The following PIK3CA variants were observed in gnomAD, a reference collection of about 807,000 sequenced individuals.
The protein encoded by PIK3CA is phosphatidylinositol 4,5-bisphosphate 3-kinase catalytic subunit alpha isoform.
In PIK3CA, 27 loss-of-function variants were observed where a neutral mutation model predicts 138.2. The observed-to-expected ratio is 0.20, with a 90% CI of 0.14 to 0.27. PIK3CA has a LOEUF of 0.27. Ranked by LOEUF, PIK3CA falls within the 10% of genes least tolerant of loss-of-function variation. The pLI is 1.00. For synonymous variants in PIK3CA, 358 were observed against 413.2 expected (o/e 0.87, Z 1.62); for missense variants, 544 against 1,277.4 (o/e 0.43, Z 8.75).
intron 9 of PIK3CA, among the ~76,000 whole-genome samples, chr3:179,215,630 C>T (rs990924438): frequency 6.6e-6 from 1 of 152,080 alleles, no homozygotes; most frequent in Non-Finnish European, 1.5e-5. Flanking sequence ...TTTCTTATTG[C>T]ATTGCCCAGT....
intron 15 of PIK3CA, 95 bp from the exon 16 acceptor site, chr3:179,224,605 C>A: frequency 1.3e-6 from 1 of 756,928 alleles, no homozygotes; most frequent in Non-Finnish European, 2.0e-6. Context: ...TGTAACACTT[C>A]AAAAAGCTAT....
chr3:179,178,119 GT>G (rs79518577), intron 1 of PIK3CA, among the ~76,000 whole-genome samples: 23,427 of 128,642 alleles, frequency 0.18, 1,899 homozygotes, highest in Middle Eastern at 0.27. Flanking sequence ...TTTTTTTTGT[GT>G]TTTTTTTTTT....
intron 3 of PIK3CA, among the ~76,000 whole-genome samples, 170 bp downstream of exon 3, chr3:179,200,069 C>T (rs191376279): frequency 1.3e-5 from 2 of 151,286 alleles, no homozygotes; most frequent in African/African-American, 4.9e-5. Flanking sequence ...AAATTATGTA[C>T]AATCAATATT....
chr3:179,169,279 A>AT (rs1342474557), intron 1 of PIK3CA: 8 of 151,348 alleles, frequency 5.3e-5, no homozygotes, highest in East Asian at 3.9e-4. Flanking sequence ...GTCTCCTGCA[A>AT]TTTTTTTTTA....
rs1724914158 is a variant in PIK3CA, at chr3:179,219,377, C to T, written c.1746+100C>T. ...AGTCCACATAAATAAATGAAATAGACTAATAGTAATATAGTGTAGAAAAAA... is the reference window on the plus strand; with the variant it reads ...AGTCCACATAAATAAATGAAATAGATTAATAGTAATATAGTGTAGAAAAAA... On this transcript the variant is annotated intron_variant, in intron 11 of 20. Coordinates refer to ENST00000263967, the MANE Select transcript of PIK3CA (RefSeq NM_006218.4). This position sits in a 1 kb window ranked among gnomAD's most constrained non-coding sequence, Gnocchi z 4.2. The T allele has an allele frequency of 5.0e-6, 4 of 803,538 alleles. No homozygotes were observed. Among genetic ancestry groups the T allele is most frequent in the Non-Finnish European group, 8.3e-6 (4 of 484,384 alleles). The allele number at this position is 803,538 out of a possible 1,614,324, so 49.8% of individuals were successfully genotyped here.
intron 6 of PIK3CA, among the ~76,000 whole-genome samples, chr3:179,206,840 C>G (rs562991124): frequency 5.9e-5 from 9 of 151,302 alleles, no homozygotes; most frequent in Non-Finnish European, 8.8e-5. Context: ...ATCACCTGAG[C>G]CCAGGGAGGT....
At chr3:179,153,717 T>C (rs1392025005) in intron 1 of PIK3CA, among the ~76,000 whole-genome samples, 1 of 152,220 alleles carries the variant, frequency 6.6e-6, no homozygotes, top group Non-Finnish European at 1.5e-5. Context: ...CTTATTTTTG[T>C]ATAAATCAAA....
intron 1 of PIK3CA, among the ~76,000 whole-genome samples, chr3:179,161,173 A>G (rs927722780): frequency 6.6e-6 from 1 of 152,172 alleles, no homozygotes; most frequent in Non-Finnish European, 1.5e-5. Context: ...CACAGAGCAG[A>G]TAGGACAAAA....
At chr3:179,186,105 G>A (rs1408913527) in intron 1 of PIK3CA, among the ~76,000 whole-genome samples, 1 of 152,164 alleles carries the variant, frequency 6.6e-6, no homozygotes, top group Non-Finnish European at 1.5e-5. Flanking sequence ...GGGGCTGCCA[G>A]CCACCAGTCA....
intron 1 of PIK3CA, among the ~76,000 whole-genome samples, chr3:179,177,882 G>A (rs1458442369): frequency 2.0e-5 from 3 of 151,856 alleles, no homozygotes; most frequent in Non-Finnish European, 4.4e-5. Flanking sequence ...GCCACAGAAT[G>A]AGTTAAAAAA....
At chr3:179,227,543 G>T (rs939767498) in intron 17 of PIK3CA, among the ~76,000 whole-genome samples, 1 of 151,962 alleles carries the variant, frequency 6.6e-6, no homozygotes, top group South Asian at 2.1e-4. Flanking sequence ...GGGGTTAAAA[G>T]AATAAGGCCT....
chr3:179,181,288 C>T (rs1723838891), intron 1 of PIK3CA, among the ~76,000 whole-genome samples: 1 of 151,670 alleles, frequency 6.6e-6, no homozygotes, highest in Non-Finnish European at 1.5e-5. Flanking sequence ...ATATTCTGAC[C>T]AAAGAAACAT....
intron 6 of PIK3CA, among the ~76,000 whole-genome samples, chr3:179,207,348 T>G (rs1724589325): frequency 6.6e-6 from 1 of 152,184 alleles, no homozygotes; most frequent in African/African-American, 2.4e-5. Flanking sequence ...TGTGTGTGTC[T>G]GTGTGTTGTG....
intron 1 of PIK3CA, among the ~76,000 whole-genome samples, chr3:179,193,084 C>T (rs1212808245): frequency 6.6e-6 from 1 of 152,216 alleles, no homozygotes; most frequent in Non-Finnish European, 1.5e-5. Context: ...CTGGGTAGTA[C>T]TGTCTACTCA....
rs141589697 is a variant in PIK3CA, at chr3:179,219,152, C to G, written c.1665-44C>G. On this transcript the variant is annotated intron_variant, in intron 10 of 20. Transcript: ENST00000263967. This position sits in a 1 kb window ranked among gnomAD's most constrained non-coding sequence, Gnocchi z 4.2. ...AAGTTAGACATGTCAACCTTTTGAA[C>G]AGCATGCAAGAATGTTTATGTTTAT... 8.4e-7 allele frequency: 1 copy of G among 1,187,806 alleles called. No individual in the cohort carries two copies. 73.6% of individuals were successfully genotyped at this position (1,187,806 alleles called of 1,614,324 possible). A position where few individuals can be genotyped will look rare whatever the true frequency, so the allele number is the denominator to read the frequency against.
At chr3:179,160,986 G>A (rs528931934) in intron 1 of PIK3CA, among the ~76,000 whole-genome samples, 1 of 152,248 alleles carries the variant, frequency 6.6e-6, no homozygotes, top group South Asian at 2.1e-4. Context: ...TTCTGATCTA[G>A]AATTATAAGC....
intron 1 of PIK3CA, chr3:179,169,038 C>G (rs866599778): frequency 2.2e-4 from 33 of 151,966 alleles, no homozygotes; most frequent in Admixed American, 1.6e-3. Flanking sequence ...TTTATTTTCC[C>G]ACGTCAACAA....
chr3:179,167,045 C>T (rs1723438459), intron 1 of PIK3CA, among the ~76,000 whole-genome samples: 1 of 152,148 alleles, frequency 6.6e-6, no homozygotes, highest in South Asian at 2.1e-4. Flanking sequence ...TAGGGCACCA[C>T]ACTTTGAAAT....
rs776211029 is a variant in PIK3CA at position 179,198,797 on chromosome 3, A to T, written c.-29A>T. 2 of 1,298,568 alleles carry T rather than the reference A, an allele frequency of 1.5e-6. No homozygotes were observed. The highest frequency in any genetic ancestry group is 4.8e-5 in the East Asian group (2 of 41,834). 80.4% of individuals were successfully genotyped at this position (1,298,568 alleles called of 1,614,324 possible). ...ACATCTAATTCCTTAAAGTAGTTTT[A>T]TATGTAAAACTTGCAAAGAATCAGA... is the stretch of plus-strand genomic sequence containing the variant. On this transcript the variant is annotated 5_prime_UTR_variant, in exon 2 of 21. Coordinates refer to ENST00000263967, the MANE Select transcript of PIK3CA (RefSeq NM_006218.4).
Sources: allele counts gnomAD v4.1 joint callset (sites outside exome capture counted in the v4.1 genomes callset), GRCh38; gene constraint gnomAD v4.1.1; non-coding constraint Gnocchi (gnomAD v3.1); transcripts MANE v1.5; gene names NCBI Gene and HGNC (gene_info 2026-07-23, HGNC 2026-07-21).